Variants in PLA2G6 observed in about 807,000 individuals in gnomAD.
PLA2G6 encodes phospholipase A2 group VI.
Under a neutral mutation model 83.8 loss-of-function variants are expected in PLA2G6, and 62 were observed. The observed-to-expected ratio is 0.74, with a 90% confidence interval of 0.60 to 0.91. PLA2G6 has a LOEUF of 0.91. PLA2G6 is among the 40% of genes least tolerant of loss of function. PLA2G6 has a pLI of 0.00. For synonymous variants in PLA2G6, 417 were observed against 449.8 expected (o/e 0.93, Z 0.92); for missense variants, 944 against 1,102.0 (o/e 0.86, Z 2.03).
Position 38,132,236 on chromosome 22 carries a change from T to C in PLA2G6, c.1077+595A>G, listed in dbSNP as rs1308520842. 2.6e-6 allele frequency: 1 copy of C among 389,382 alleles called. No individual in the cohort carries two copies. Among genetic ancestry groups the C allele is most frequent in the African/African-American group, 2.1e-5 (1 of 47,650 alleles). 24.1% of individuals were successfully genotyped at this position (389,382 alleles called of 1,614,324 possible). A position where few individuals can be genotyped will look rare whatever the true frequency, so the allele number is the denominator to read the frequency against. On this transcript the variant is annotated intron_variant, in intron 7 of 16. Transcript: ENST00000332509. The surrounding 1 kb of genome is among the most constrained non-coding windows in gnomAD (Gnocchi z 5.0). Reference sequence around the variant, plus strand: ...CAGTAAGGGCTTTGAGGGCAGGAACTGTGTTCTATAATAAACCAACGAATA... The same window carrying C: ...CAGTAAGGGCTTTGAGGGCAGGAACCGTGTTCTATAATAAACCAACGAATA...
chr22:38,135,238 C>T lies in PLA2G6; in HGVS notation c.798-154G>A, dbSNP rs117905020. On this transcript the variant is annotated intron_variant, in intron 5 of 16. Coordinates refer to ENST00000332509, the MANE Select transcript of PLA2G6 (RefSeq NM_003560.4). ...ACCAGCACACTCACCATGGTTAAGGCTGTACTGAGCCCCTCAAGGCACAAC... is the reference window on the plus strand; with the variant it reads ...ACCAGCACACTCACCATGGTTAAGGTTGTACTGAGCCCCTCAAGGCACAAC... The T allele has an allele frequency of 3.2e-4, 211 of 649,464 alleles. 2 individuals carry two copies. The East Asian group carries it at 5.4e-3, about 17-fold the overall frequency. The allele number at this position is 649,464 out of a possible 1,614,324, so 40.2% of individuals were successfully genotyped here.
intron 11 of PLA2G6, among the ~76,000 whole-genome samples, chr22:38,121,943 TCA>T (rs933757436): frequency 6.6e-6 from 1 of 152,130 alleles, no homozygotes; most frequent in Non-Finnish European, 1.5e-5. Flanking sequence ...TCTCTGGTTC[TCA>T]GTTTCCCCAT....
At chr22:38,122,478 G>A (rs1455449668) in intron 11 of PLA2G6, among the ~76,000 whole-genome samples, 3 of 152,236 alleles carry the variant, frequency 2.0e-5, no homozygotes, top group East Asian at 1.9e-4. Context: ...CAAGCCAGGC[G>A]CCTTCGCAAA....
chr22:38,143,409 CAA>C, intron 3 of PLA2G6, 121 bp from the exon 4 acceptor site: 1 of 855,470 alleles, frequency 1.2e-6, no homozygotes, highest in Non-Finnish European at 1.9e-6. Context: ...TATTTGAGCT[CAA>C]GAGCATTCCC....
chr22:38,124,368 G>A (rs868308079), intron 10 of PLA2G6, among the ~76,000 whole-genome samples: 1 of 152,116 alleles, frequency 6.6e-6, no homozygotes, highest in South Asian at 2.1e-4. Flanking sequence ...ATATGGATGC[G>A]GACTGGACCT....
chr22:38,139,411 T>G (rs532767394), intron 5 of PLA2G6: 1 of 105,374 alleles, frequency 9.5e-6, no homozygotes, highest in Non-Finnish European at 2.2e-5. Context: ...TTAAATAAAT[T>G]TATTTTTATT....
chr22:38,137,082 T>C (rs738317), intron 5 of PLA2G6: 3,002 of 152,324 alleles, frequency 0.02, 32 homozygotes, highest in Middle Eastern at 0.027. Context: ...CTCTGGGCTA[T>C]AGTGAAATAG....
At chr22:38,114,626 G>A (rs111515726) in intron 14 of PLA2G6, among the ~76,000 whole-genome samples, 1 of 152,180 alleles carries the variant, frequency 6.6e-6, no homozygotes, top group African/African-American at 2.4e-5. Context: ...ACAGTCTGAC[G>A]GTCTCTGCCG....
rs587784362 is a variant in PLA2G6 at position 38,135,061 on chromosome 22, A to G, written c.821T>C (p.Met274Thr). Residue 274 changes from methionine (M) to threonine (T), a missense_variant, in exon 6 of 17, where the codon ATG (methionine) becomes ACG (threonine). Coordinates refer to ENST00000332509, the MANE Select transcript of PLA2G6 (RefSeq NM_003560.4). ...QKGCAEMIIS[M>T]DSSQIHSKDP... ...TTTGCTGTGGATCTGGCTGCTGTCC[A>G]TGCTGATGATCATCTCCGCACACCT... 6.2e-7 allele frequency: 1 copy of G among 1,602,146 alleles called. No individual in the cohort carries two copies. The highest frequency in any genetic ancestry group is 1.7e-5 in the Admixed American group (1 of 59,520).
Position 38,116,184 on chromosome 22 carries a change from G to T in PLA2G6, c.1770C>A (p.Asp590Glu). The T allele has an allele frequency of 6.2e-7, 1 of 1,614,034 alleles. No homozygotes were observed. The highest frequency in any genetic ancestry group is 8.5e-7 in the Non-Finnish European group (1 of 1,179,982). The change falls in exon 13 of 17, where the codon GAC (aspartate) becomes GAA (glutamate). Residue 590 changes from aspartate (D) to glutamate (E), a missense_variant. Coordinates refer to ENST00000332509, the MANE Select transcript of PLA2G6 (RefSeq NM_003560.4). ...PKVMLTGTLS[D>E]RQPAELHLFR... ...AGAGGTGGAGTTCAGCCGGCTGCCG[G>T]TCAGACAGTGTCCCTGTCAGCATCA... is the stretch of plus-strand genomic sequence containing the variant.
intron 14 of PLA2G6, 86 bp from the exon 15 acceptor site, chr22:38,113,740 T>TGG (rs1468545598): frequency 8.1e-7 from 1 of 1,237,900 alleles, no homozygotes; most frequent in South Asian, 1.2e-5. Flanking sequence ...GGCCCAAGAC[T>TGG]GGGCTCTGGG....
intron 1 of PLA2G6, among the ~76,000 whole-genome samples, chr22:38,177,066 G>C (rs1334248606): frequency 2.7e-5 from 4 of 149,920 alleles, no homozygotes; most frequent in Non-Finnish European, 4.4e-5. Context: ...AAGAAACAAG[G>C]AAGGTGCAAT....
At position 38,169,323 on chromosome 22, in the gene PLA2G6, C is replaced by T. The variant is rs200683835; in HGVS notation, c.104G>A (p.Ser35Asn). The change falls in exon 2 of 17, where the codon AGT becomes AAT. Residue 35 changes from serine to asparagine, a missense_variant. By Grantham distance (46) the Ser-to-Asn change is conservative. Coordinates refer to ENST00000332509, the MANE Select transcript of PLA2G6 (RefSeq NM_003560.4). ...CTGCCCTTCCTCCCGAACTCGGTCA[C>T]TCGAGGTGTAGTCGGCCACAGCCAC... Reference protein sequence around the residue: ...KEVAVADYTSSDRVREEGQLI... With the variant: ...KEVAVADYTSNDRVREEGQLI... 1.1e-4 allele frequency: 174 copies of T among 1,614,092 alleles called. No homozygotes were observed. Among genetic ancestry groups the T allele is most frequent in the Non-Finnish European group, 1.4e-4 (169 of 1,180,034 alleles).
chr22:38,170,950 C>A (rs1038544195), intron 1 of PLA2G6, among the ~76,000 whole-genome samples: 10 of 152,156 alleles, frequency 6.6e-5, no homozygotes, highest in Non-Finnish European at 1.3e-4. Flanking sequence ...TCGGGCGGAT[C>A]ACCTGAGGTC....
chr22:38,134,662 C>T (rs2088428924), intron 6 of PLA2G6: 1 of 360,208 alleles, frequency 2.8e-6, no homozygotes, highest in East Asian at 5.6e-5. Flanking sequence ...ATACAATCAT[C>T]ATCACGCCAC....
intron 10 of PLA2G6, chr22:38,125,780 CAAGG>C (rs2087817015): frequency 2.2e-6 from 1 of 461,512 alleles, no homozygotes; most frequent in Non-Finnish European, 4.5e-6. Flanking sequence ...CTGCAGCAAT[CAAGG>C]GAGGTGGCGA....
intron 11 of PLA2G6, among the ~76,000 whole-genome samples, chr22:38,122,170 C>T (rs2235345): frequency 0.31 from 47,708 of 151,976 alleles, 7,907 homozygotes; most frequent in South Asian, 0.42. Flanking sequence ...GCATCCAACA[C>T]AGGCCTGGCC....
chr22:38,169,566 C>A, intron 1 of PLA2G6, 95 bp from the exon 2 acceptor site: 2 of 726,620 alleles, frequency 2.8e-6, no homozygotes, highest in Non-Finnish European at 4.9e-6. Context: ...CCAGATCACT[C>A]CCCACCAGCG....
chr22:38,145,380 A>T (rs1230087709), intron 3 of PLA2G6, 58 bp downstream of exon 3: 1 of 1,402,620 alleles, frequency 7.1e-7, no homozygotes, highest in African/African-American at 1.4e-5. Flanking sequence ...TGCGGCCCCC[A>T]CTGCCCACAC....
Sources: gnomAD v4.1 joint callset for allele counts (sites outside exome capture counted in the v4.1 genomes callset) on GRCh38, gnomAD v4.1.1 for gene constraint, Gnocchi (gnomAD v3.1) non-coding constraint, MANE v1.5 for transcripts, NCBI Gene and HGNC (gene_info 2026-07-23, HGNC 2026-07-21) for gene names.